RER1: variants seen among roughly 807,000 people sequenced by gnomAD.
The protein encoded by RER1 is retention in endoplasmic reticulum sorting receptor 1.
RER1 carries 6 observed loss-of-function variants against 28.3 expected under a neutral mutation model. That is an observed-to-expected ratio of 0.21 (90% CI 0.12 to 0.42). The LOEUF (loss-of-function observed/expected upper bound fraction) is 0.42. Ranked by LOEUF, RER1 falls within the 10% of genes least tolerant of loss-of-function variation. The pLI is 1.00. For synonymous variants in RER1, 110 were observed against 95.9 expected, an observed-to-expected ratio of 1.15 and a Z score of -0.86; for missense variants, 159 against 252.9, an observed-to-expected ratio of 0.63 and a Z score of 2.52.
chr1:2,401,227 C>CCCTTTCTCCCT (rs1642844608), intron 5 of RER1, among the ~76,000 whole-genome samples: 2 of 75,060 alleles, frequency 2.7e-5, no homozygotes, highest in Non-Finnish European at 5.2e-5. Flanking sequence ...CCCTCCTCCT[C>CCCTTTCTCCCT]CCTTCCTCCC....
intron 4 of RER1, 31 bp downstream of exon 4, chr1:2,399,545 G>A (rs1177498972): frequency 7.3e-6 from 10 of 1,369,062 alleles, no homozygotes; most frequent in Non-Finnish European, 8.4e-6. Flanking sequence ...TGGGCTGTGT[G>A]GGCAGGTTGG....
At position 2,400,850 on chromosome 1, in the gene RER1, C is replaced by CT. The variant is rs1489042508; in HGVS notation, c.287-5dup. ...GTGCCCTCCCTGATGGTTGCTCTGC[C>CT]TTACAGATGACGGTCCTTCGCTACC... is the stretch of plus-strand genomic sequence containing the variant. On this transcript the variant is annotated splice_region_variant and splice_polypyrimidine_tract_variant and intron_variant, in intron 4 of 6. Transcript: ENST00000605895. 3 of 1,613,216 alleles carry CT rather than the reference C, an allele frequency of 1.9e-6. No individual in the cohort carries two copies. Among genetic ancestry groups the CT allele is most frequent in the Non-Finnish European group, 2.5e-6 (3 of 1,179,234 alleles).
intron 5 of RER1, among the ~76,000 whole-genome samples, chr1:2,401,484 A>G (rs1365300650): frequency 7.7e-6 from 1 of 130,590 alleles, no homozygotes; most frequent in East Asian, 2.2e-4. Flanking sequence ...CTTCTCCTGG[A>G]GTCATTTTTG....
intron 2 of RER1, among the ~76,000 whole-genome samples, chr1:2,396,872 G>T (rs1222994709): frequency 1.3e-5 from 2 of 152,246 alleles, no homozygotes; most frequent in Non-Finnish European, 2.9e-5. Flanking sequence ...AGTCTCCTAG[G>T]AGATTGTTTT....
intron 1 of RER1, among the ~76,000 whole-genome samples, chr1:2,392,286 T>C (rs1348512920): frequency 6.6e-6 from 1 of 152,116 alleles, no homozygotes. Context: ...CTGCTTGGCA[T>C]CTGGGGGAAG....
intron 1 of RER1, among the ~76,000 whole-genome samples, chr1:2,392,287 C>G (rs987367635): frequency 6.6e-6 from 1 of 152,276 alleles, no homozygotes; most frequent in Admixed American, 6.5e-5. Flanking sequence ...TGCTTGGCAT[C>G]TGGGGGAAGC....
intron 1 of RER1, among the ~76,000 whole-genome samples, chr1:2,392,527 C>T (rs1642696414): frequency 6.6e-6 from 1 of 152,172 alleles, no homozygotes; most frequent in Non-Finnish European, 1.5e-5. Context: ...TGGTCTGTGG[C>T]CCCACTGATA....
chr1:2,402,234 G>T lies in RER1; in HGVS notation c.393G>T (p.Val131=). 6.2e-7 allele frequency: 1 copy of T among 1,614,232 alleles called. No individual in the cohort carries two copies. The change falls in exon 6 of 7, where the codon GTG becomes GTT. Residue 131 remains valine (V), a synonymous_variant. Coordinates refer to ENST00000605895, the MANE Select transcript of RER1 (RefSeq NM_007033.5). The stretch of plus-strand genomic sequence containing the variant: ...ATGCGGCTACCAAGGGCATCCTTGT[G>T]GCTATGGTCTGTACTTTCTTCGACG... The part of the protein sequence containing the change: ...FWHAATKGIL[V]AMVCTFFDAF...
chr1:2,395,819 C>T lies in RER1; in HGVS notation c.29C>T (p.Ser10Phe). The change falls in exon 2 of 7, where the codon TCC becomes TTC. Residue 10 changes from serine to phenylalanine, a missense_variant. Transcript: ENST00000605895. ...TCTGAAGGGGACAGTGTGGGAGAAT[C>T]CGTCCATGGGAAACCTTCGGTGGTG... Reference protein sequence around the residue: MSEGDSVGESVHGKPSVVYR... With the variant: MSEGDSVGEFVHGKPSVVYR... The T allele has an allele frequency of 6.2e-7, 1 of 1,614,102 alleles. No individual in the cohort carries two copies. Among genetic ancestry groups the T allele is most frequent in the Non-Finnish European group, 8.5e-7 (1 of 1,179,932 alleles).
In RER1 at chr1:2,396,141, C is replaced by T. The variant is rs189229940; in HGVS notation, c.81+270C>T. The T allele has an allele frequency of 3.4e-5, 15 of 440,676 alleles. No homozygotes were observed. In the Admixed American group the frequency reaches 4.5e-4, roughly 13 times the overall value. The allele number at this position is 440,676 out of a possible 1,614,324, so 27.3% of individuals were successfully genotyped here. On this transcript the variant is annotated intron_variant, in intron 2 of 6. Transcript: ENST00000605895. ...TTAAAAATATAAAACCCAGTCTCAG[C>T]TCCCAGGCAGGACAGATGCGGCCGT...
chr1:2,399,434 A>G lies in RER1; in HGVS notation c.206A>G (p.Tyr69Cys). 1 of 1,611,062 alleles carries G rather than the reference A, an allele frequency of 6.2e-7. No homozygotes were observed. Among genetic ancestry groups the G allele is most frequent in the Non-Finnish European group, 8.5e-7 (1 of 1,177,202 alleles). ...TTTCAGGGTTGGTACATTGTGACCT[A>G]TGCCTTGGGGATCTACCATCTAAAT... The part of the protein sequence containing the change: ...YLLQGWYIVT[Y>C]ALGIYHLNLF... The change falls in exon 4 of 7, where the codon TAT (tyrosine) becomes TGT (cysteine). Residue 69 changes from tyrosine to cysteine, a missense_variant. Transcript: ENST00000605895.
intron 3 of RER1, among the ~76,000 whole-genome samples, chr1:2,397,587 T>C (rs1300372708): frequency 6.6e-6 from 1 of 152,140 alleles, no homozygotes; most frequent in Non-Finnish European, 1.5e-5. Context: ...GAAGAGTCCA[T>C]GCCTTGGGTG....
At chr1:2,394,131 A>G (rs1284659663) in intron 1 of RER1, 3 of 152,196 alleles carry the variant, frequency 2.0e-5, no homozygotes, top group Non-Finnish European at 2.9e-5. Flanking sequence ...CAGGTGACAC[A>G]TTTTAGTGTA....
intron 2 of RER1, 110 bp from the exon 3 acceptor site, chr1:2,397,006 T>C: frequency 3.1e-6 from 2 of 644,560 alleles, no homozygotes; most frequent in South Asian, 3.7e-5. Flanking sequence ...CTCACTCTTT[T>C]AGCTGTTTTA....
intron 1 of RER1, among the ~76,000 whole-genome samples, chr1:2,393,503 TGA>T (rs1642722912): frequency 6.6e-6 from 1 of 152,192 alleles, no homozygotes; most frequent in Non-Finnish European, 1.5e-5. Context: ...GCAGCTGGTG[TGA>T]GGGCTGGCCC....
In RER1 at chr1:2,404,784, C is replaced by CT. The variant is rs1156362740; in HGVS notation, c.*1661dup. ...ATTTTAACACTGCGCTTCAGGAAATCTCAAGTTCCATCTTGTGTTAGTAAC... is the reference window on the plus strand; with the variant it reads ...ATTTTAACACTGCGCTTCAGGAAATCTTCAAGTTCCATCTTGTGTTAGTAAC... On this transcript the variant is annotated 3_prime_UTR_variant, in exon 7 of 7. Transcript: ENST00000605895. 6.6e-6 allele frequency: 1 copy of CT among 152,426 alleles called. No individual in the cohort carries two copies. Among genetic ancestry groups the CT allele is most frequent in the Non-Finnish European group, 1.5e-5 (1 of 68,054 alleles). The allele number at this position is 152,426 out of a possible 1,614,324, so 9.4% of individuals were successfully genotyped here.
chr1:2,394,563 C>T (rs967209433), intron 1 of RER1: 1 of 152,230 alleles, frequency 6.6e-6, no homozygotes, highest in Non-Finnish European at 1.5e-5. Context: ...CTTCAGTTTT[C>T]TTATCTGTAA....
intron 2 of RER1, 59 bp from the exon 3 acceptor site, chr1:2,397,057 C>A: frequency 9.1e-7 from 1 of 1,099,898 alleles, no homozygotes; most frequent in South Asian, 1.3e-5. Context: ...CATTTTGTGG[C>A]AGGGTCAGTA....
At chr1:2,394,215 C>G (rs1642735086) in intron 1 of RER1, 1 of 152,162 alleles carries the variant, frequency 6.6e-6, no homozygotes, top group Non-Finnish European at 1.5e-5. Flanking sequence ...TTACACGGCT[C>G]CGCGAGACCA....
Sources: allele counts gnomAD v4.1 joint callset (sites outside exome capture counted in the v4.1 genomes callset), GRCh38; gene constraint gnomAD v4.1.1; transcripts MANE v1.5; gene names NCBI Gene and HGNC (gene_info 2026-07-23, HGNC 2026-07-21).